KAZN: variants seen among roughly 807,000 people sequenced by gnomAD.
The protein encoded by KAZN is kazrin, periplakin interacting protein, also known as kazrin.
A neutral mutation model predicts 87.4 loss-of-function variants in KAZN; 40 were observed. The ratio of observed to expected loss-of-function variants is 0.46; its 90% CI spans 0.36 to 0.60. The LOEUF is 0.60. Among genes scored for constraint, KAZN ranks in the 20% least tolerant of loss-of-function variants. The pLI is 0.00. For missense variants in KAZN, 898 were observed against 1,073.9 expected (o/e 0.84, Z 2.29); for synonymous variants, 466 against 458.3 (o/e 1.02, Z -0.22).
exon 2 of KAZN, chr1:14,180,566 A>T (rs1270524657): frequency 6.5e-7 from 1 of 1,550,218 alleles, no homozygotes; most frequent in Non-Finnish European, 8.7e-7. Flanking sequence ...CATGATATTG[A>T]TGAGGCACCT....
At chr1:14,461,700 G>A (rs1352218337) in intron 2 of KAZN, among the ~76,000 whole-genome samples, 1 of 152,152 alleles carries the variant, frequency 6.6e-6, no homozygotes, top group Non-Finnish European at 1.5e-5. Context: ...GAGGGGTGGT[G>A]ACTGGCAGGT....
intron 1 of KAZN, among the ~76,000 whole-genome samples, chr1:14,890,041 G>C (rs1382616555): frequency 6.6e-6 from 1 of 152,214 alleles, no homozygotes; most frequent in Non-Finnish European, 1.5e-5. Flanking sequence ...AACACAGGAA[G>C]AGTTAGGGAG....
chr1:14,585,095 C>T (rs1675773775), intron 2 of KAZN, among the ~76,000 whole-genome samples: 1 of 152,176 alleles, frequency 6.6e-6, no homozygotes, highest in South Asian at 2.1e-4. Flanking sequence ...GAGAAAGTGG[C>T]TGTCTACAAG....
chr1:14,896,544 G>A (rs1381453846), intron 1 of KAZN, among the ~76,000 whole-genome samples: 1 of 152,186 alleles, frequency 6.6e-6, no homozygotes, highest in East Asian at 1.9e-4. Context: ...GCAACTAATA[G>A]CTCTAACTGG....
intron 2 of KAZN, chr1:14,304,628 A>G (rs1055876923): frequency 5.0e-6 from 2 of 398,316 alleles, no homozygotes; most frequent in South Asian, 1.3e-4. Flanking sequence ...ATTCATTTCA[A>G]TGCATTTCCA....
chr1:14,389,158 C>T (rs953211378), intron 2 of KAZN, among the ~76,000 whole-genome samples: 1 of 151,284 alleles, frequency 6.6e-6, no homozygotes, highest in Non-Finnish European at 1.5e-5. Flanking sequence ...GAGGTATCAT[C>T]TCACCTCTGC....
At chr1:14,201,133 C>G (rs1371583844) in intron 2 of KAZN, among the ~76,000 whole-genome samples, 1 of 152,192 alleles carries the variant, frequency 6.6e-6, no homozygotes, top group African/African-American at 2.4e-5. Flanking sequence ...GGTTTTGCAT[C>G]TCCACTGATA....
At chr1:14,150,354 G>A (rs190894082) in intron 1 of KAZN, among the ~76,000 whole-genome samples, 111 of 152,286 alleles carry the variant, frequency 7.3e-4, no homozygotes, top group Non-Finnish European at 1.4e-3. Flanking sequence ...TATCTCAGGA[G>A]CAATTTAATA....
intron 2 of KAZN, among the ~76,000 whole-genome samples, chr1:14,979,940 G>A (rs1666063361): frequency 1.3e-5 from 2 of 152,196 alleles, no homozygotes; most frequent in Admixed American, 1.3e-4. Flanking sequence ...CCAGGCTGGA[G>A]TATAGTGGCG....
chr1:14,163,424 TG>T (rs557979839), intron 1 of KAZN, among the ~76,000 whole-genome samples: 190 of 152,334 alleles, frequency 1.2e-3, no homozygotes, highest in African/African-American at 4.4e-3. Flanking sequence ...TGCCAGCACT[TG>T]GGAGGGGCTG....
intron 1 of KAZN, among the ~76,000 whole-genome samples, chr1:13,920,921 C>A (rs10927956): frequency 1.2e-4 from 18 of 152,084 alleles, no homozygotes; most frequent in African/African-American, 4.3e-4. Context: ...TCCAAGATGG[C>A]GATGCTCCTG....
intron 1 of KAZN, among the ~76,000 whole-genome samples, chr1:14,783,675 T>C (rs545039829): frequency 1.3e-5 from 2 of 152,264 alleles, no homozygotes; most frequent in South Asian, 4.1e-4. Context: ...CGTGCCTGCC[T>C]GAAGAAGTCA....
intron 1 of KAZN, among the ~76,000 whole-genome samples, chr1:14,089,137 G>A (rs1239187494): frequency 6.6e-6 from 1 of 151,730 alleles, no homozygotes; most frequent in East Asian, 1.9e-4. Context: ...CCACCAAAAT[G>A]GATGCTGTAT....
intron 1 of KAZN, among the ~76,000 whole-genome samples, chr1:14,688,928 T>C (rs954924862): frequency 6.6e-6 from 1 of 152,188 alleles, no homozygotes; most frequent in Non-Finnish European, 1.5e-5. Flanking sequence ...GCGCGGTGGC[T>C]CACGCCTGTA....
chr1:14,461,444 T>C (rs1346422768), intron 2 of KAZN, among the ~76,000 whole-genome samples: 1 of 152,166 alleles, frequency 6.6e-6, no homozygotes, highest in African/African-American at 2.4e-5. Context: ...TGCCACCATG[T>C]AAGTCGTGCC....
intron 1 of KAZN, among the ~76,000 whole-genome samples, chr1:14,675,715 C>T (rs979517262): frequency 2.6e-4 from 39 of 152,150 alleles, no homozygotes; most frequent in African/African-American, 9.2e-4. Flanking sequence ...CCTGTAGATA[C>T]ACAGTAAATA....
chr1:14,489,644 G>T (rs1249938032), intron 2 of KAZN, among the ~76,000 whole-genome samples: 1 of 151,704 alleles, frequency 6.6e-6, no homozygotes, highest in Non-Finnish European at 1.5e-5. Flanking sequence ...TGGGGCAGGA[G>T]AATCACTTGA....
In KAZN at chr1:14,357,835, T is replaced by C. The variant is rs1212197973; in HGVS notation, c.249+177243T>C. ...CTGGATTCGGTTTGCCAGTATTTTATTGAGGATTTTTGCACTGATGTTCAC... is the reference window on the plus strand; with the variant it reads ...CTGGATTCGGTTTGCCAGTATTTTACTGAGGATTTTTGCACTGATGTTCAC... On this transcript the variant is annotated intron_variant, in intron 2 of 16. Transcript: ENST00000636203. Among the ~76,000 whole-genome samples the C allele has an allele frequency of 2.0e-5, 3 of 152,346 alleles. No homozygotes were observed. In the East Asian group the frequency reaches 5.8e-4, roughly 29 times the overall value.
chr1:14,572,337 T>G (rs1674921557), intron 2 of KAZN, among the ~76,000 whole-genome samples: 1 of 152,158 alleles, frequency 6.6e-6, no homozygotes, highest in Non-Finnish European at 1.5e-5. Flanking sequence ...CTAAGGGGCC[T>G]CAGGAGGTGC....
Sources: gnomAD v4.1 joint callset for allele counts (sites outside exome capture counted in the v4.1 genomes callset) on GRCh38, gnomAD v4.1.1 for gene constraint, MANE v1.5 for transcripts, NCBI Gene and HGNC (gene_info 2026-07-23, HGNC 2026-07-21) for gene names.